GLE1: variants seen among roughly 807,000 people sequenced by gnomAD.
The protein encoded by GLE1 is mRNA export factor GLE1.
Under a neutral mutation model 97.3 loss-of-function variants are expected in GLE1, and 78 were observed. The observed-to-expected ratio is 0.80, with a 90% CI of 0.67 to 0.97. GLE1 has a LOEUF of 0.97. GLE1 is among the 50% of genes least tolerant of loss of function. The pLI, the probability that GLE1 is intolerant of heterozygous loss-of-function variation, is 0.00. For missense variants in GLE1, 753 were observed against 857.5 expected, an observed-to-expected ratio of 0.88 and a Z score of 1.52; for synonymous variants, 302 against 313.4, an observed-to-expected ratio of 0.96 and a Z score of 0.39.
Position 128,509,005 on chromosome 9 carries a change from T to C in GLE1, c.229T>C (p.Ser77Pro). The change falls in exon 2 of 16, where the codon TCA becomes CCA. Residue 77 changes from serine (S) to proline (P), a missense_variant. Transcript: ENST00000309971. ...GACTTCGCCATCCTCTACGTCAGCT[T>C]CAGCCCTAGATCAACCCTCATTTGT... ...SETSPSSTSA[S>P]ALDQPSFVPK... 2 of 1,613,266 alleles carry C rather than the reference T, an allele frequency of 1.2e-6. No individual in the cohort carries two copies. Among genetic ancestry groups the C allele is most frequent in the Non-Finnish European group, 1.7e-6 (2 of 1,179,182 alleles).
intron 2 of GLE1, among the ~76,000 whole-genome samples, chr9:128,509,590 C>G (rs1846743894): frequency 6.6e-6 from 1 of 150,716 alleles, no homozygotes; most frequent in Non-Finnish European, 1.5e-5. Flanking sequence ...CTCTCTCTCA[C>G]TAGAGAGAGA....
intron 3 of GLE1, among the ~76,000 whole-genome samples, chr9:128,518,055 C>G (rs911495297): frequency 5.3e-5 from 8 of 152,036 alleles, no homozygotes; most frequent in African/African-American, 1.9e-4. Flanking sequence ...TTAGGACTTC[C>G]TAAGTGCCAG....
chr9:128,504,969 C>A, intron 1 of GLE1, 65 bp downstream of exon 1: 2 of 1,078,408 alleles, frequency 1.9e-6, no homozygotes, highest in Non-Finnish European at 2.9e-6. Flanking sequence ...TTCTCCCTAG[C>A]CGTTGGCACG....
At chr9:128,535,591 C>T (rs543772583) in intron 11 of GLE1, among the ~76,000 whole-genome samples, 39 of 150,344 alleles carry the variant, frequency 2.6e-4, no homozygotes, top group African/African-American at 8.8e-4. Flanking sequence ...GAGGCTGAGG[C>T]GGGCAGATCA....
intron 1 of GLE1, among the ~76,000 whole-genome samples, chr9:128,505,779 T>C (rs1846623605): frequency 6.6e-6 from 1 of 152,184 alleles, no homozygotes; most frequent in Non-Finnish European, 1.5e-5. Context: ...CCTTAGTAAT[T>C]GTTGGGAAGT....
Position 128,527,158 on chromosome 9 carries a change from AACC to A in GLE1, c.1130-20_1130-18del. 1 of 1,325,324 alleles carries A rather than the reference AACC, an allele frequency of 7.5e-7. No homozygotes were observed. The highest frequency in any genetic ancestry group is 1.1e-6 in the Non-Finnish European group (1 of 916,560). 82.1% of individuals were successfully genotyped at this position (1,325,324 alleles called of 1,614,324 possible). ...TTCAGTAAATACTAGCTATTACTAAAACCTCTCTTTTATTTCTCAGACCTCCAG... is the reference window on the plus strand; with the variant it reads ...TTCAGTAAATACTAGCTATTACTAAATCTCTTTTATTTCTCAGACCTCCAG... On this transcript the variant is annotated intron_variant, in intron 7 of 15. Coordinates refer to ENST00000309971, the MANE Select transcript of GLE1 (RefSeq NM_001003722.2).
rs903734968 is a variant in GLE1 at position 128,542,026 on chromosome 9, T to C, written c.*856T>C. The stretch of plus-strand genomic sequence containing the variant: ...GGGCAGGAACTGAACACTGCTAATA[T>C]GATGATAAATATGCCTGACTAAAGC... On this transcript the variant is annotated 3_prime_UTR_variant, in exon 16 of 16. Transcript: ENST00000309971. 6.6e-6 allele frequency: 1 copy of C among 152,196 alleles called. No homozygotes were observed. Among genetic ancestry groups the C allele is most frequent in the South Asian group, 2.1e-4 (1 of 4,826 alleles). 9.4% of individuals were successfully genotyped at this position (152,196 alleles called of 1,614,324 possible).
At chr9:128,523,066 T>G (rs540788342) in intron 4 of GLE1, among the ~76,000 whole-genome samples, 1 of 151,984 alleles carries the variant, frequency 6.6e-6, no homozygotes, top group South Asian at 2.1e-4. Flanking sequence ...GTAGTCTCAA[T>G]TACTAGAGAG....
At chr9:128,522,639 A>G in intron 3 of GLE1, 29 bp from the exon 4 acceptor site, 1 of 1,332,256 alleles carries the variant, frequency 7.5e-7, no homozygotes, top group Non-Finnish European at 1.0e-6. Context: ...CCATCTTAAA[A>G]AAAAAAAAAA....
chr9:128,507,561 G>A (rs913859090), intron 1 of GLE1, among the ~76,000 whole-genome samples: 3 of 150,854 alleles, frequency 2.0e-5, no homozygotes, highest in African/African-American at 7.3e-5. Flanking sequence ...TCCAGCCTGG[G>A]GAACAGAATG....
At position 128,541,157 on chromosome 9, in the gene GLE1, T is replaced by C. The variant is rs762503273; in HGVS notation, c.2084T>C (p.Phe695Ser). 4 of 1,573,972 alleles carry C rather than the reference T, an allele frequency of 2.5e-6. No homozygotes were observed. Among genetic ancestry groups the C allele is most frequent in the Non-Finnish European group, 3.5e-6 (4 of 1,143,388 alleles). ...CCCAAGGGCTTTCTGACTTCCTCCTTCTGGCGCTCCTGATGTCACTCCATC... is the reference window on the plus strand; with the variant it reads ...CCCAAGGGCTTTCTGACTTCCTCCTCCTGGCGCTCCTGATGTCACTCCATC... ...PVPKGFLTSS[F>S]WRS Residue 695 changes from phenylalanine (F) to serine (S), a missense_variant, in exon 16 of 16, where the codon TTC (phenylalanine) becomes TCC (serine). Physicochemically the swap from Phe to Ser is radical, Grantham distance 155. Coordinates refer to ENST00000309971, the MANE Select transcript of GLE1 (RefSeq NM_001003722.2).
chr9:128,515,343 A>T (rs1405622722), intron 2 of GLE1, among the ~76,000 whole-genome samples, 186 bp from the exon 3 acceptor site: 1 of 152,236 alleles, frequency 6.6e-6, no homozygotes. Flanking sequence ...ATTAAAGAAA[A>T]CAATTAGAAC....
intron 2 of GLE1, among the ~76,000 whole-genome samples, chr9:128,514,489 C>T (rs1846920214): frequency 7.0e-6 from 1 of 143,060 alleles, no homozygotes; most frequent in African/African-American, 2.6e-5. Flanking sequence ...GTATCCCAGG[C>T]TAGAGTGCAG....
chr9:128,504,709 T>C (rs1444731565), upstream of GLE1: 2 of 859,854 alleles, frequency 2.3e-6, no homozygotes, highest in Non-Finnish European at 2.0e-6. Flanking sequence ...TGCGCGCGCG[T>C]CCCGGAAGCA....
intron 9 of GLE1, among the ~76,000 whole-genome samples, chr9:128,531,831 CAAAAAAA>C (rs1206684667): frequency 3.9e-5 from 2 of 51,862 alleles, no homozygotes; most frequent in African/African-American, 1.3e-4. Flanking sequence ...GACTCCAGCT[CAAAAAAA>C]AAAAAAAAAA....
intron 2 of GLE1, among the ~76,000 whole-genome samples, chr9:128,512,996 G>T (rs974481152): frequency 6.6e-6 from 1 of 152,092 alleles, no homozygotes. Context: ...GAGCCACTGC[G>T]CCTGGCCTAA....
intron 1 of GLE1, among the ~76,000 whole-genome samples, chr9:128,506,896 A>T (rs1009579944): frequency 1.3e-5 from 2 of 152,116 alleles, no homozygotes; most frequent in Non-Finnish European, 2.9e-5. Context: ...GGCTCCTGTT[A>T]TTCTCAATAT....
chr9:128,507,915 C>T (rs1390136630), intron 1 of GLE1, among the ~76,000 whole-genome samples: 2 of 151,144 alleles, frequency 1.3e-5, no homozygotes, highest in Admixed American at 1.3e-4. Context: ...CACAGTGGCT[C>T]ACGCCTGTAA....
intron 6 of GLE1, among the ~76,000 whole-genome samples, chr9:128,524,540 CTTTTTTTTT>C (rs71381767): frequency 2.3e-4 from 9 of 39,642 alleles, no homozygotes; most frequent in South Asian, 2.2e-3. Context: ...CTTTGCTTTG[CTTTTTTTTT>C]TTTTTTTTTT....
Sources: gnomAD v4.1 joint callset for allele counts (sites outside exome capture counted in the v4.1 genomes callset) on GRCh38, gnomAD v4.1.1 for gene constraint, MANE v1.5 for transcripts, NCBI Gene and HGNC (gene_info 2026-07-23, HGNC 2026-07-21) for gene names.